Variants in SUGCT observed in about 807,000 individuals in gnomAD.
SUGCT encodes succinyl-CoA:glutarate CoA-transferase.
A neutral mutation model predicts 55.0 loss-of-function variants in SUGCT; 41 were observed. The observed-to-expected ratio is 0.74, with a 90% CI of 0.58 to 0.97. The LOEUF (loss-of-function observed/expected upper bound fraction) is 0.97. Ranked by LOEUF, SUGCT falls within the 50% of genes least tolerant of loss-of-function variation. The pLI is 0.00. For synonymous variants in SUGCT, 187 were observed against 200.4 expected (o/e 0.93, Z 0.56); for missense variants, 568 against 547.8 (o/e 1.04, Z -0.37).
At chr7:40,154,295 C>T (rs1229651918) in intron 1 of SUGCT, 1 of 150,162 alleles carries the variant, frequency 6.7e-6, no homozygotes, top group Non-Finnish European at 1.5e-5. Context: ...GAGCTCTTCA[C>T]TCTAGTTGGC....
chr7:40,702,132 T>G (rs2128663086), intron 12 of SUGCT, among the ~76,000 whole-genome samples: 1 of 152,334 alleles, frequency 6.6e-6, no homozygotes, highest in South Asian at 2.1e-4. Context: ...AAACCTGAAC[T>G]CTGCCTGAGG....
intron 13 of SUGCT, among the ~76,000 whole-genome samples, chr7:40,754,599 G>A (rs1158293011): frequency 6.6e-6 from 1 of 152,162 alleles, no homozygotes; most frequent in East Asian, 1.9e-4. Context: ...TGTTTCCTTG[G>A]AGAATCAGGG....
At chr7:40,586,757 A>C (rs949615181) in intron 12 of SUGCT, among the ~76,000 whole-genome samples, 2 of 152,246 alleles carry the variant, frequency 1.3e-5, no homozygotes, top group African/African-American at 4.8e-5. Flanking sequence ...CAAAGGTACA[A>C]GTTGATATTG....
intron 9 of SUGCT, among the ~76,000 whole-genome samples, chr7:40,334,165 G>T (rs1796531923): frequency 6.6e-6 from 1 of 152,096 alleles, no homozygotes; most frequent in African/African-American, 2.4e-5. Context: ...TGGACCTTTG[G>T]GTTGGTTCCA....
intron 12 of SUGCT, among the ~76,000 whole-genome samples, chr7:40,600,884 T>G (rs1201359348): frequency 6.6e-6 from 1 of 152,078 alleles, no homozygotes; most frequent in East Asian, 1.9e-4. Context: ...TACTTTGATA[T>G]GGGGGAGGGG....
chr7:40,669,674 G>T (rs1241933185), intron 12 of SUGCT, among the ~76,000 whole-genome samples: 2 of 149,718 alleles, frequency 1.3e-5, no homozygotes, highest in African/African-American at 4.9e-5. Flanking sequence ...CTTAATGGTG[G>T]ATTTAACAGC....
the SUGCT span, among the ~76,000 whole-genome samples, chr7:40,895,790 A>C: frequency 2.0e-5 from 3 of 152,354 alleles, no homozygotes; most frequent in Admixed American, 2.0e-4. Context: ...GCATCACACA[A>C]TCTGATTTCA....
intron 13 of SUGCT, among the ~76,000 whole-genome samples, chr7:40,851,578 A>T (rs1793854526): frequency 6.6e-6 from 1 of 152,162 alleles, no homozygotes; most frequent in Non-Finnish European, 1.5e-5. Context: ...TTGAAGCAAA[A>T]AGCCTTTGTC....
At chr7:40,915,901 T>G in the SUGCT span, among the ~76,000 whole-genome samples, 1 of 152,220 alleles carries the variant, frequency 6.6e-6, no homozygotes, top group Admixed American at 6.5e-5. Flanking sequence ...CCATTGTATA[T>G]TGGGCATGTT....
chr7:40,402,900 A>G (rs975211516), intron 9 of SUGCT, among the ~76,000 whole-genome samples: 4 of 152,202 alleles, frequency 2.6e-5, no homozygotes, highest in African/African-American at 9.6e-5. Flanking sequence ...GATGAGGACT[A>G]CTGTCTTCCA....
intron 9 of SUGCT, among the ~76,000 whole-genome samples, chr7:40,403,685 G>A (rs567552412): frequency 1.3e-5 from 2 of 152,262 alleles, no homozygotes; most frequent in African/African-American, 4.8e-5. Context: ...TTCTGAGGCT[G>A]CCATATCTCT....
intron 1 of SUGCT, among the ~76,000 whole-genome samples, chr7:40,155,369 A>G (rs947490504): frequency 3.5e-5 from 5 of 143,216 alleles, no homozygotes; most frequent in African/African-American, 1.4e-4. Flanking sequence ...CTTCCAGTGA[A>G]AAAAAAAAAA....
chr7:40,643,880 A>G (rs796232783), intron 12 of SUGCT, among the ~76,000 whole-genome samples: 10 of 152,280 alleles, frequency 6.6e-5, no homozygotes, highest in African/African-American at 2.4e-4. Flanking sequence ...CTGACTTTCT[A>G]TGGCTCAGCC....
At chr7:40,332,683 G>C (rs530251780) in intron 9 of SUGCT, among the ~76,000 whole-genome samples, 2 of 152,010 alleles carry the variant, frequency 1.3e-5, no homozygotes, top group Non-Finnish European at 2.9e-5. Flanking sequence ...AAGAATCTGA[G>C]GTTTGTTCAG....
chr7:40,352,432 T>C lies in SUGCT; in HGVS notation c.816+35577T>C, dbSNP rs934283706. On this transcript the variant is annotated intron_variant, in intron 9 of 13. Coordinates refer to ENST00000335693, the MANE Select transcript of SUGCT (RefSeq NM_001193313.2). The stretch of plus-strand genomic sequence containing the variant: ...AGTATTTCACCACCCAGGTACCCAA[T>C]AGGTATTTTTTCAATCCTCTCCCTC... 2.6e-5 allele frequency among the ~76,000 whole-genome samples: 4 copies of C among 152,190 alleles called. No homozygotes were observed. In the Middle Eastern group the frequency reaches 0.01, roughly 388 times the overall value.
At chr7:40,828,903 T>A (rs1332384896) in intron 13 of SUGCT, among the ~76,000 whole-genome samples, 1 of 152,114 alleles carries the variant, frequency 6.6e-6, no homozygotes, top group Non-Finnish European at 1.5e-5. Context: ...ACTTTAGCGG[T>A]TTGGGGGCAT....
At chr7:40,525,153 A>G (rs76863329) in intron 12 of SUGCT, among the ~76,000 whole-genome samples, 4,184 of 152,292 alleles carry the variant, frequency 0.027, 195 homozygotes, top group African/African-American at 0.097. Flanking sequence ...GAGAGTAAGC[A>G]AGCTTTAATT....
intron 12 of SUGCT, among the ~76,000 whole-genome samples, chr7:40,602,556 T>A (rs9886164): frequency 0.031 from 4,771 of 152,224 alleles, 262 homozygotes; most frequent in African/African-American, 0.11. Flanking sequence ...GCCCTCAGTA[T>A]TCCTTCTGGA....
chr7:40,206,806 G>A (rs1438095344), intron 6 of SUGCT, among the ~76,000 whole-genome samples: 3 of 152,102 alleles, frequency 2.0e-5, no homozygotes, highest in African/African-American at 7.2e-5. Flanking sequence ...TCTTCAGCAC[G>A]GATGCAAGTT....
Sources: allele counts gnomAD v4.1 joint callset (sites outside exome capture counted in the v4.1 genomes callset), GRCh38; gene constraint gnomAD v4.1.1; transcripts MANE v1.5; gene names NCBI Gene and HGNC (gene_info 2026-07-23, HGNC 2026-07-21).